Variants in TAS1R2 observed in about 807,000 individuals in gnomAD.
TAS1R2 encodes the protein taste receptor type 1 member 2.
TAS1R2 carries 47 observed loss-of-function variants against 49.3 expected under a neutral mutation model. That is an observed-to-expected ratio of 0.95 (90% CI 0.75 to 1.22). The LOEUF (loss-of-function observed/expected upper bound fraction) is 1.22. TAS1R2 is among the 50% of genes most tolerant of loss of function. The pLI, the probability that TAS1R2 is intolerant of heterozygous loss-of-function variation, is 0.00. For missense variants in TAS1R2, 1,155 were observed against 1,122.1 expected, an observed-to-expected ratio of 1.03 and a Z score of -0.42; for synonymous variants, 479 against 467.9, an observed-to-expected ratio of 1.02 and a Z score of -0.31.
rs760965441 is a variant in TAS1R2, at chr1:18,840,064, G to A, written c.2055C>T (p.Ile685=). ...CCACAATGACCATTTTGAGTACCGTGATAAATGCCATAGAGACGTAGGGCC... is the reference window on the plus strand; with the variant it reads ...CCACAATGACCATTTTGAGTACCGTAATAAATGCCATAGAGACGTAGGGCC... Residue 685 remains isoleucine, a synonymous_variant, in exon 6 of 6, where the codon ATC becomes ATT. Transcript: ENST00000375371. The A allele has an allele frequency of 8.1e-6, 13 of 1,614,242 alleles. 1 individual carries two copies. In the South Asian group the frequency reaches 8.8e-5, roughly 11 times the overall value.
In TAS1R2 at chr1:18,841,870, A is replaced by G. The variant is rs1446631541; in HGVS notation, c.1468-18T>C. ...ATAGGGATCTGGAGGGAGGAGGGCAAGAGACCCTGAGTCCTCTTTTCCCAC... is the reference window on the plus strand; with the variant it reads ...ATAGGGATCTGGAGGGAGGAGGGCAGGAGACCCTGAGTCCTCTTTTCCCAC... On this transcript the variant is annotated intron_variant, in intron 4 of 5. Coordinates refer to ENST00000375371, the Ensembl canonical transcript of TAS1R2. 4 of 1,568,956 alleles carry G rather than the reference A, an allele frequency of 2.5e-6. No homozygotes were observed. Among genetic ancestry groups the G allele is most frequent in the South Asian group, 1.1e-5 (1 of 87,800 alleles).
intron 4 of TAS1R2, 100 bp from the exon 5 acceptor site, chr1:18,841,952 G>T: frequency 1.4e-5 from 16 of 1,129,348 alleles, no homozygotes; most frequent in Admixed American, 2.9e-5. Context: ...AGGAAGCCTA[G>T]AAGCCCCCTA....
intron 2 of TAS1R2, 119 bp downstream of exon 2, chr1:18,857,212 C>A: frequency 8.4e-7 from 1 of 1,184,056 alleles, no homozygotes; most frequent in Non-Finnish European, 1.2e-6. Flanking sequence ...TGTCCTGACC[C>A]TGCTTCTGGT....
chr1:18,855,531 T>C (rs1240864143), intron 2 of TAS1R2, among the ~76,000 whole-genome samples: 1 of 152,176 alleles, frequency 6.6e-6, no homozygotes, highest in Non-Finnish European at 1.5e-5. Flanking sequence ...TGGAGGACCC[T>C]GGGCTCAGGC....
At chr1:18,845,721 A>C (rs1200093429) in intron 4 of TAS1R2, among the ~76,000 whole-genome samples, 9 of 152,186 alleles carry the variant, frequency 5.9e-5, no homozygotes, top group Non-Finnish European at 4.4e-5. Context: ...CCAAGGACTC[A>C]CCAGGCAACC....
Position 18,857,323 on chromosome 1 carries a change from G to A in TAS1R2, c.483+8C>T. 6.2e-7 allele frequency: 1 copy of A among 1,611,880 alleles called. No homozygotes were observed. Among genetic ancestry groups the A allele is most frequent in the Non-Finnish European group, 8.5e-7 (1 of 1,178,096 alleles). On this transcript the variant is annotated splice_region_variant and intron_variant, in intron 2 of 5. Transcript: ENST00000375371. Reference sequence around the variant, plus strand: ...CCCAGGTCCTTCTCCAGGGCCCAGGGGCCTCACCTGTGGAAGGAGAAATAG... The same window carrying A: ...CCCAGGTCCTTCTCCAGGGCCCAGGAGCCTCACCTGTGGAAGGAGAAATAG...
chr1:18,841,636 G>T, intron 5 of TAS1R2, 93 bp downstream of exon 5: 1 of 1,503,800 alleles, frequency 6.6e-7, no homozygotes, highest in Non-Finnish European at 9.0e-7. Context: ...GTACTCCAGA[G>T]ACCCTGCCAA....
intron 4 of TAS1R2, among the ~76,000 whole-genome samples, chr1:18,848,837 G>A (rs901692254): frequency 6.6e-6 from 1 of 152,102 alleles, no homozygotes; most frequent in African/African-American, 2.4e-5. Context: ...AACAAGCTCA[G>A]GGCTTCCATT....
chr1:18,843,517 C>T (rs1237436060), intron 4 of TAS1R2, among the ~76,000 whole-genome samples: 1 of 152,204 alleles, frequency 6.6e-6, no homozygotes. Flanking sequence ...ACTACTGCAA[C>T]CCGTTTATCA....
Position 18,840,182 on chromosome 1 carries a change from G to A in TAS1R2, c.1937C>T (p.Ser646Phe), listed in dbSNP as rs1489917240. Residue 646 changes from serine (S) to phenylalanine (F), a missense_variant, in exon 6 of 6, where the codon TCC (serine) becomes TTC (phenylalanine). Coordinates refer to ENST00000375371, the Ensembl canonical transcript of TAS1R2. ...CTGGAAAGAACGCACGGCGATACAGGAGATGCAGATTGTGAAGCAGAGGGG... is the reference window on the plus strand; with the variant it reads ...CTGGAAAGAACGCACGGCGATACAGAAGATGCAGATTGTGAAGCAGAGGGG... 3.1e-6 allele frequency: 5 copies of A among 1,614,248 alleles called. No homozygotes were observed. The South Asian group carries it at 4.4e-5, about 14-fold the overall frequency.
At chr1:18,857,965 T>G (rs559849443) in intron 1 of TAS1R2, among the ~76,000 whole-genome samples, 1 of 151,138 alleles carries the variant, frequency 6.6e-6, no homozygotes, top group South Asian at 2.1e-4. Flanking sequence ...ACTATCACCA[T>G]CATCACCCAC....
rs779427728 is a variant in TAS1R2 at position 18,859,465 on chromosome 1, C to T, written c.182+14G>A. 1.8e-5 allele frequency: 29 copies of T among 1,613,630 alleles called. No individual in the cohort carries two copies. Among genetic ancestry groups the T allele is most frequent in the Non-Finnish European group, 1.8e-5 (21 of 1,179,764 alleles). On this transcript the variant is annotated intron_variant, in intron 1 of 5. Coordinates refer to ENST00000375371, the Ensembl canonical transcript of TAS1R2. ...ATCCCCACTGCCACTTCCAGCCCCA[C>T]ACTGGAGACTCACTCCTTGCACATG...
At chr1:18,852,001 G>A (rs537716242) in intron 3 of TAS1R2, among the ~76,000 whole-genome samples, 15 of 152,330 alleles carry the variant, frequency 9.8e-5, no homozygotes, top group Admixed American at 4.6e-4. Context: ...GGTGAACACC[G>A]TGTCCGGCAC....
At chr1:18,849,661 G>A (rs1933986090) in intron 3 of TAS1R2, 111 bp from the exon 4 acceptor site, 1 of 1,197,286 alleles carries the variant, frequency 8.4e-7, no homozygotes, top group Non-Finnish European at 1.2e-6. Flanking sequence ...TTCCAACTCT[G>A]TAATATGGAG....
intron 2 of TAS1R2, 41 bp downstream of exon 2, chr1:18,857,290 C>G (rs775502253): frequency 6.3e-7 from 1 of 1,588,022 alleles, no homozygotes; most frequent in Non-Finnish European, 8.6e-7. Context: ...CATTCCTCTG[C>G]CCCCCTCCCC....
chr1:18,841,005 AG>A (rs1933814737), intron 5 of TAS1R2, among the ~76,000 whole-genome samples: 1 of 152,220 alleles, frequency 6.6e-6, no homozygotes, highest in African/African-American at 2.4e-5. Flanking sequence ...TGACTGTGGG[AG>A]GAAGGCCAAT....
rs939131089 is a variant in TAS1R2, at chr1:18,850,662, G to A, written c.1258-1112C>T. Among the ~76,000 whole-genome samples, 78 of 152,258 alleles carry A rather than the reference G, an allele frequency of 5.1e-4. 1 individual carries two copies. Among genetic ancestry groups the A allele is most frequent in the Non-Finnish European group, 1.8e-4 (12 of 68,046 alleles). On this transcript the variant is annotated intron_variant, in intron 3 of 5. Transcript: ENST00000375371. ...CAGGGTTGAGCACTTGGGACTTGAG[G>A]GATCCAAGATATCACCCCCAAGGGG...
At chr1:18,857,487 C>T (rs374546455) in exon 2 of TAS1R2, 112 of 1,614,084 alleles carry the variant, frequency 6.9e-5, no homozygotes, top group Non-Finnish European at 9.4e-5. Context: ...AGAGCACCGG[C>T]TGGACATTGT....
chr1:18,854,789 C>G lies in TAS1R2; in HGVS notation c.681G>C (p.Val227=). 5 of 1,605,526 alleles carry G rather than the reference C, an allele frequency of 3.1e-6. No individual in the cohort carries two copies. The highest frequency in any genetic ancestry group is 4.2e-6 in the Non-Finnish European group (5 of 1,178,602). Residue 227 remains valine (V), a synonymous_variant, in exon 3 of 6, where the codon GTG becomes GTC. Coordinates refer to ENST00000375371, the Ensembl canonical transcript of TAS1R2. This position sits in a 1 kb window ranked among gnomAD's most constrained non-coding sequence, Gnocchi z 4.9. ...AGGCGATGCAGATGTCGCGCCGGGC[C>G]ACGCGCTCGCCAAGCAGCTGGCCAT...
Sources: gnomAD v4.1 joint callset for allele counts (sites outside exome capture counted in the v4.1 genomes callset) on GRCh38, gnomAD v4.1.1 for gene constraint, Gnocchi (gnomAD v3.1) non-coding constraint, MANE v1.5 for transcripts, NCBI Gene and HGNC (gene_info 2026-07-23, HGNC 2026-07-21) for gene names.